Variants in SHANK2 observed in about 807,000 individuals in gnomAD.
The protein encoded by SHANK2 is SH3 and multiple ankyrin repeat domains protein 2.
A neutral mutation model predicts 133.7 loss-of-function variants in SHANK2; 43 were observed. That is an observed-to-expected ratio of 0.32 (90% CI 0.25 to 0.41). The LOEUF (loss-of-function observed/expected upper bound fraction) is 0.41, where lower values mean the gene tolerates loss of function less well. SHANK2 is among the 10% of genes least tolerant of loss of function. The pLI is 1.00. For synonymous variants in SHANK2, 1,017 were observed against 952.8 expected (o/e 1.07, Z -1.24); for missense variants, 1,994 against 2,235.8 (o/e 0.89, Z 2.18).
At chr11:71,126,467 G>A (rs1368975626) in intron 3 of SHANK2, among the ~76,000 whole-genome samples, 1 of 152,102 alleles carries the variant, frequency 6.6e-6, no homozygotes, top group African/African-American at 2.4e-5. Context: ...TTTCATGCTT[G>A]CATACACAAT....
chr11:70,742,402 G>A (rs1946547806), intron 14 of SHANK2, among the ~76,000 whole-genome samples: 1 of 152,190 alleles, frequency 6.6e-6, no homozygotes, highest in Non-Finnish European at 1.5e-5. Flanking sequence ...ACTGCACAAA[G>A]TAGAAGTTTG....
intron 1 of SHANK2, among the ~76,000 whole-genome samples, chr11:71,231,306 C>T (rs58849958): frequency 0.011 from 1,649 of 152,252 alleles, 27 homozygotes; most frequent in African/African-American, 0.038. Flanking sequence ...GCAATAAGCA[C>T]ATGAAAGATG....
At chr11:70,704,267 C>T (rs1945611453) in intron 14 of SHANK2, among the ~76,000 whole-genome samples, 4 of 152,378 alleles carry the variant, frequency 2.6e-5, no homozygotes, top group South Asian at 4.1e-4. Flanking sequence ...TATAAAAAAA[C>T]TTGGCTTTCT....
chr11:70,849,764 G>C (rs1949055196), intron 11 of SHANK2, among the ~76,000 whole-genome samples: 1 of 152,144 alleles, frequency 6.6e-6, no homozygotes, highest in Non-Finnish European at 1.5e-5. Flanking sequence ...CATTTATCAA[G>C]TCTCCTGGAT....
At chr11:70,552,161 T>A (rs1256855556) in intron 17 of SHANK2, among the ~76,000 whole-genome samples, 3 of 152,138 alleles carry the variant, frequency 2.0e-5, no homozygotes, top group African/African-American at 7.2e-5. Context: ...CTTTGAAGAA[T>A]AATATGAGTA....
chr11:71,232,863 C>T (rs892482683), intron 1 of SHANK2, among the ~76,000 whole-genome samples: 9 of 152,112 alleles, frequency 5.9e-5, no homozygotes, highest in African/African-American at 2.2e-4. Context: ...TGGAACCCAA[C>T]CTCTCCATTG....
chr11:70,860,323 T>C (rs1555067565), intron 11 of SHANK2, among the ~76,000 whole-genome samples: 1 of 152,200 alleles, frequency 6.6e-6, no homozygotes, highest in African/African-American at 2.4e-5. Flanking sequence ...AATGTCCCCT[T>C]AGGCCATGTT....
chr11:70,660,232 C>T (rs17203282), intron 16 of SHANK2, among the ~76,000 whole-genome samples: 23,492 of 152,210 alleles, frequency 0.15, 2,285 homozygotes, highest in Non-Finnish European at 0.22. Context: ...CATGTCTACA[C>T]GCCTGTCATT....
At chr11:71,216,421 G>T (rs1038723948) in intron 2 of SHANK2, among the ~76,000 whole-genome samples, 1 of 152,176 alleles carries the variant, frequency 6.6e-6, no homozygotes, top group Non-Finnish European at 1.5e-5. Context: ...GGGCAAATCC[G>T]TAGAGATGAA....
intron 17 of SHANK2, among the ~76,000 whole-genome samples, chr11:70,552,585 T>C (rs781885114): frequency 2.6e-5 from 4 of 152,190 alleles, no homozygotes; most frequent in Non-Finnish European, 5.9e-5. Context: ...CTACCCAAGA[T>C]GACACAGGCA....
chr11:70,674,564 G>A (rs547783563), intron 15 of SHANK2, among the ~76,000 whole-genome samples: 1 of 152,324 alleles, frequency 6.6e-6, no homozygotes, highest in South Asian at 2.1e-4. Context: ...GGCCAGGCTG[G>A]TCTCGAACTC....
intron 3 of SHANK2, among the ~76,000 whole-genome samples, chr11:71,119,528 C>T (rs1203379215): frequency 6.7e-6 from 1 of 148,566 alleles, no homozygotes; most frequent in Non-Finnish European, 1.5e-5. Context: ...TGCACTGAGC[C>T]GAGATTGCAC....
At chr11:70,926,578 C>T (rs191429172) in intron 10 of SHANK2, among the ~76,000 whole-genome samples, 7 of 152,258 alleles carry the variant, frequency 4.6e-5, no homozygotes, top group African/African-American at 1.7e-4. Context: ...TGCAGCACTA[C>T]GATAGGGGCC....
intron 11 of SHANK2, among the ~76,000 whole-genome samples, chr11:70,861,989 C>CAA (rs879955628): frequency 2.9e-5 from 4 of 136,836 alleles, no homozygotes; most frequent in East Asian, 2.1e-4. Flanking sequence ...GGGGCAGGGG[C>CAA]AAAAAAAAAA....
intron 2 of SHANK2, among the ~76,000 whole-genome samples, chr11:71,201,719 G>A (rs1043128242): frequency 2.6e-5 from 4 of 152,214 alleles, no homozygotes; most frequent in Non-Finnish European, 5.9e-5. Context: ...ACTTGTCCAC[G>A]CCCAGCACAC....
chr11:70,939,006 G>A (rs529871945), intron 10 of SHANK2, among the ~76,000 whole-genome samples: 92 of 152,226 alleles, frequency 6.0e-4, no homozygotes, highest in African/African-American at 2.1e-3. Flanking sequence ...CTAGGGCGCC[G>A]GAACTATGGG....
At chr11:71,146,474 G>C in intron 3 of SHANK2, among the ~76,000 whole-genome samples, 1 of 152,214 alleles carries the variant, frequency 6.6e-6, no homozygotes, top group East Asian at 1.9e-4. Flanking sequence ...ACCTCCTCGG[G>C]GAAGGCAAAT....
intron 2 of SHANK2, among the ~76,000 whole-genome samples, chr11:71,196,698 C>T (rs1953910786): frequency 6.6e-6 from 1 of 151,928 alleles, no homozygotes; most frequent in African/African-American, 2.4e-5. Context: ...CCCCGCATGG[C>T]TCACAAAGAC....
At position 70,471,579 on chromosome 11, in the gene SHANK2, T is replaced by C; in HGVS notation, c.*1290A>G. 2.5e-6 allele frequency: 1 copy of C among 395,890 alleles called. No homozygotes were observed. Among genetic ancestry groups the C allele is most frequent in the Non-Finnish European group, 4.4e-6 (1 of 224,912 alleles). 24.5% of individuals were successfully genotyped at this position (395,890 alleles called of 1,614,324 possible). Reference sequence around the variant, plus strand: ...CACGCCTCTGCTTTCACTCTGATCCTGCCGCCCACCTTCTGTTCTCAACCC... The same window carrying C: ...CACGCCTCTGCTTTCACTCTGATCCCGCCGCCCACCTTCTGTTCTCAACCC... On this transcript the variant is annotated 3_prime_UTR_variant, in exon 26 of 26. Transcript: ENST00000601538. The surrounding 1 kb of genome is among the most constrained non-coding windows in gnomAD (Gnocchi z 4.1).
Sources: gnomAD v4.1 joint callset for allele counts (sites outside exome capture counted in the v4.1 genomes callset) on GRCh38, gnomAD v4.1.1 for gene constraint, Gnocchi (gnomAD v3.1) non-coding constraint, MANE v1.5 for transcripts, NCBI Gene and HGNC (gene_info 2026-07-23, HGNC 2026-07-21) for gene names.